KIF16B: variants seen among roughly 807,000 people sequenced by gnomAD.
The protein encoded by KIF16B is kinesin-like protein KIF16B.
In KIF16B, 98 loss-of-function variants were observed where a neutral mutation model predicts 156.3. The ratio of observed to expected loss-of-function variants is 0.63; its 90% CI spans 0.53 to 0.74. The LOEUF (loss-of-function observed/expected upper bound fraction) is 0.74, where lower values mean the gene tolerates loss of function less well. Among genes scored for constraint, KIF16B ranks in the 30% least tolerant of loss-of-function variants. The pLI, the probability that KIF16B is intolerant of heterozygous loss-of-function variation, is 0.00. For missense variants in KIF16B, 1,421 were observed against 1,606.5 expected (o/e 0.88, Z 1.97); for synonymous variants, 564 against 583.7 (o/e 0.97, Z 0.49).
chr20:16,434,920 C>T lies in KIF16B; in HGVS notation c.1303-4938G>A, dbSNP rs548473477. 9.9e-5 allele frequency among the ~76,000 whole-genome samples: 15 copies of T among 152,172 alleles called. No individual in the cohort carries two copies. In the South Asian group the frequency reaches 3.1e-3, roughly 32 times the overall value. On this transcript the variant is annotated intron_variant, in intron 12 of 25. Coordinates refer to ENST00000354981, the MANE Select transcript of KIF16B (RefSeq NM_024704.5). The stretch of plus-strand genomic sequence containing the variant: ...CTGGGGGCTGGGGGTTGGGGACAAT[C>T]AGGGCTTAGAGCACATGCCCAGTGT...
chr20:16,332,673 C>A (rs1017320140), intron 24 of KIF16B, among the ~76,000 whole-genome samples: 1 of 152,008 alleles, frequency 6.6e-6, no homozygotes, highest in Non-Finnish European at 1.5e-5. Flanking sequence ...GAGCAGAAGT[C>A]GCCTATGAAT....
chr20:16,441,609 G>A lies in KIF16B; in HGVS notation c.1303-11627C>T, dbSNP rs576380709. ...TGTGCCCACACCAGATCCTCTGAAT[G>A]AGCATCTCAGGAGCAGGATCCAGGC... On this transcript the variant is annotated intron_variant, in intron 12 of 25. Coordinates refer to ENST00000354981, the MANE Select transcript of KIF16B (RefSeq NM_024704.5). Among the ~76,000 whole-genome samples, 12 of 152,306 alleles carry A rather than the reference G, an allele frequency of 7.9e-5. No homozygotes were observed. In the South Asian group the frequency reaches 1.9e-3, roughly 24 times the overall value.
At chr20:16,486,676 C>T (rs1049626372) in intron 12 of KIF16B, among the ~76,000 whole-genome samples, 1 of 152,120 alleles carries the variant, frequency 6.6e-6, no homozygotes, top group Non-Finnish European at 1.5e-5. Context: ...CCTGGATGAA[C>T]ACTTGGAAAC....
chr20:16,406,387 C>T lies in KIF16B; in HGVS notation c.1682G>A (p.Arg561Lys), dbSNP rs1568943454. The stretch of plus-strand genomic sequence containing the variant: ...CGTGTCCCTCACCTTCCTCTTCTCC[C>T]TGAGCTTGGCGGCTTCCTTTGGATG... Reference protein sequence around the residue: ...FNHPKEAAKLREKRKSGLLSS... With the variant: ...FNHPKEAAKLKEKRKSGLLSS... Residue 561 changes from arginine (R) to lysine (K), a missense_variant, in exon 16 of 26, where the codon AGG becomes AAG. Coordinates refer to ENST00000354981, the MANE Select transcript of KIF16B (RefSeq NM_024704.5). The T allele has an allele frequency of 6.2e-7, 1 of 1,613,552 alleles. No homozygotes were observed. The highest frequency in any genetic ancestry group is 2.2e-5 in the East Asian group (1 of 44,860).
rs778968922 is a variant in KIF16B at position 16,379,382 on chromosome 20, A to G, written c.2620T>C (p.Leu874=). The G allele has an allele frequency of 3.1e-6, 5 of 1,604,204 alleles. No individual in the cohort carries two copies. In the African/African-American group the frequency reaches 6.7e-5, roughly 22 times the overall value. ...ACACTCTCATCATGTTTTTCCAACA[A>G]TCTAGATTCTTTGTCATGTTCACAT... The part of the protein sequence containing the change: ...LKCEHDKESR[L]LEKHDESVTD... Residue 874 remains leucine, a synonymous_variant, in exon 19 of 26, where the codon TTG becomes CTG. Transcript: ENST00000354981.
chr20:16,385,033 C>T (rs549272164), intron 17 of KIF16B, among the ~76,000 whole-genome samples: 2 of 151,956 alleles, frequency 1.3e-5, no homozygotes, highest in East Asian at 3.9e-4. Flanking sequence ...CCCGTCTCTA[C>T]TAAAAATACA....
intron 12 of KIF16B, among the ~76,000 whole-genome samples, chr20:16,449,236 A>C (rs752168639): frequency 1.2e-4 from 19 of 152,212 alleles, no homozygotes; most frequent in Non-Finnish European, 2.5e-4. Flanking sequence ...GGGGTCTCTG[A>C]ATAGGAAGGC....
intron 25 of KIF16B, among the ~76,000 whole-genome samples, chr20:16,295,835 G>A (rs949628584): frequency 6.6e-6 from 1 of 152,176 alleles, no homozygotes; most frequent in Non-Finnish European, 1.5e-5. Flanking sequence ...CACCATCGGT[G>A]AAAAGTAATG....
intron 12 of KIF16B, among the ~76,000 whole-genome samples, chr20:16,458,311 T>G (rs2067262072): frequency 6.6e-6 from 1 of 152,238 alleles, no homozygotes; most frequent in South Asian, 2.1e-4. Flanking sequence ...TAATTTCACC[T>G]TCTCACAGTT....
chr20:16,428,989 C>T lies in KIF16B; in HGVS notation c.1438G>A (p.Val480Ile), dbSNP rs1033059422. 1.2e-6 allele frequency: 2 copies of T among 1,613,172 alleles called. No individual in the cohort carries two copies. Among genetic ancestry groups the T allele is most frequent in the African/African-American group, 1.3e-5 (1 of 74,994 alleles). Residue 480 changes from valine to isoleucine, a missense_variant, in exon 14 of 26, where the codon GTT becomes ATT. Coordinates refer to ENST00000354981, the MANE Select transcript of KIF16B (RefSeq NM_024704.5). ...LYHLKEGQTY[V>I]GRDDASTEQD... is the part of the protein sequence containing the mutation. ...TCCGTGGAAGCATCGTCTCTACCAACGTATGTCTGACCTTCCTGGGAAGAA... is the reference window on the plus strand; with the variant it reads ...TCCGTGGAAGCATCGTCTCTACCAATGTATGTCTGACCTTCCTGGGAAGAA...
intron 17 of KIF16B, among the ~76,000 whole-genome samples, chr20:16,401,750 T>A (rs1021728254): frequency 4.6e-5 from 7 of 152,160 alleles, no homozygotes; most frequent in African/African-American, 1.7e-4. Flanking sequence ...TAAACCTGAA[T>A]CCTGGGAGTT....
intron 23 of KIF16B, among the ~76,000 whole-genome samples, chr20:16,350,917 A>T (rs889642541): frequency 6.6e-6 from 1 of 151,634 alleles, no homozygotes; most frequent in African/African-American, 2.4e-5. Flanking sequence ...GTCATACAAG[A>T]CTGACAAGGG....
At chr20:16,393,622 G>T (rs2065423796) in intron 17 of KIF16B, among the ~76,000 whole-genome samples, 1 of 152,130 alleles carries the variant, frequency 6.6e-6, no homozygotes, top group Non-Finnish European at 1.5e-5. Context: ...TTAGAAGTTG[G>T]AATACAGTAC....
rs988510753 is a variant in KIF16B, at chr20:16,409,797, A to G, written c.1613-3341T>C. 2.0e-5 allele frequency among the ~76,000 whole-genome samples: 3 copies of G among 151,444 alleles called. No individual in the cohort carries two copies. The South Asian group carries it at 6.3e-4, about 32-fold the overall frequency. ...GGAGTCTTCTGCACAGACTGAGAAC[A>G]CTGGAAAAGGACCAAGATGGGGTGG... On this transcript the variant is annotated intron_variant, in intron 15 of 25. Transcript: ENST00000354981.
chr20:16,379,556 C>G lies in KIF16B; in HGVS notation c.2446G>C (p.Glu816Gln), dbSNP rs139840756. 6.2e-7 allele frequency: 1 copy of G among 1,614,160 alleles called. No homozygotes were observed. The highest frequency in any genetic ancestry group is 8.5e-7 in the Non-Finnish European group (1 of 1,180,040). Reference protein sequence around the residue: ...EARAGGDEDGEELEKAQLRFF... With the variant: ...EARAGGDEDGQELEKAQLRFF... ...CGCAGTTGAGCCTTTTCTAACTCCT[C>G]GCCATCTTCATCCCCTCCGGCACGA... Residue 816 changes from glutamate (E) to glutamine (Q), a missense_variant, in exon 19 of 26, where the codon GAG becomes CAG. Physicochemically the swap from Glu to Gln is conservative, Grantham distance 29. Transcript: ENST00000354981.
chr20:16,342,736 T>C (rs939681661), intron 23 of KIF16B, among the ~76,000 whole-genome samples: 4 of 152,224 alleles, frequency 2.6e-5, no homozygotes, highest in Admixed American at 2.0e-4. Context: ...AGCTTCCCAC[T>C]TTATATAACA....
chr20:16,392,349 C>G (rs1361645382), intron 17 of KIF16B, among the ~76,000 whole-genome samples: 1 of 152,176 alleles, frequency 6.6e-6, no homozygotes, highest in African/African-American at 2.4e-5. Context: ...TGGAAATGTA[C>G]ATGGGAAATT....
chr20:16,561,756 T>C (rs764087363), intron 1 of KIF16B, among the ~76,000 whole-genome samples: 5 of 152,230 alleles, frequency 3.3e-5, no homozygotes, highest in Non-Finnish European at 5.9e-5. Context: ...TTTTGTGGTA[T>C]TATTGTCAAA....
chr20:16,305,686 C>G (rs1173493238), intron 25 of KIF16B, among the ~76,000 whole-genome samples: 1 of 152,138 alleles, frequency 6.6e-6, no homozygotes, highest in Non-Finnish European at 1.5e-5. Flanking sequence ...CACCTTCATC[C>G]CCTTCTCAGT....
Sources: gnomAD v4.1 joint callset for allele counts (sites outside exome capture counted in the v4.1 genomes callset) on GRCh38, gnomAD v4.1.1 for gene constraint, MANE v1.5 for transcripts, NCBI Gene and HGNC (gene_info 2026-07-23, HGNC 2026-07-21) for gene names.